IL13RA1: variants seen among roughly 807,000 people sequenced by gnomAD.
IL13RA1 encodes the protein interleukin-13 receptor subunit alpha-1.
IL13RA1 carries 14 observed loss-of-function variants against 33.8 expected under a neutral mutation model. That is an observed-to-expected ratio of 0.41 (90% CI 0.27 to 0.65). The LOEUF is 0.65. IL13RA1 is among the 30% of genes least tolerant of loss of function. The pLI is 0.28. For missense variants in IL13RA1, 313 were observed against 327.0 expected (o/e 0.96, Z 0.33); for synonymous variants, 116 against 115.7 (o/e 1.00, Z -0.02).
chrX:118,792,150 T>C lies in IL13RA1; in HGVS notation c.*296T>C, dbSNP rs2017982561. 6.5e-6 allele frequency: 1 copy of C among 153,441 alleles called. No homozygotes were observed. The highest frequency in any genetic ancestry group is 1.2e-5 in the Non-Finnish European group (1 of 80,503). 12.6% of individuals were successfully genotyped at this position (153,441 alleles called of 1,213,427 possible). ...GTGGAGTTAATCTTATCAAGAGTTGTGACAACTTCCTGAGGGATCTATACT... is the reference window on the plus strand; with the variant it reads ...GTGGAGTTAATCTTATCAAGAGTTGCGACAACTTCCTGAGGGATCTATACT... On this transcript the variant is annotated 3_prime_UTR_variant, in exon 11 of 11. Coordinates refer to ENST00000371666, the MANE Select transcript of IL13RA1 (RefSeq NM_001560.3).
the IL13RA1 span, among the ~76,000 whole-genome samples, chrX:118,804,110 C>T: frequency 9.3e-6 from 1 of 108,094 alleles, no homozygotes; most frequent in African/African-American, 3.4e-5. Flanking sequence ...GCGCCCGCCA[C>T]CACGCCTGGC....
chrX:118,742,590 T>C (rs758631688), intron 2 of IL13RA1, among the ~76,000 whole-genome samples: 1 of 112,251 alleles, frequency 8.9e-6, no homozygotes, highest in East Asian at 2.8e-4. Flanking sequence ...TCAGAGTATG[T>C]GCAGAAATCT....
chrX:118,777,965 C>CTG (rs2017804244), intron 10 of IL13RA1, among the ~76,000 whole-genome samples: 1 of 111,563 alleles, frequency 9.0e-6, no homozygotes, highest in African/African-American at 3.3e-5. Context: ...CATATCCCTG[C>CTG]TGTGTCATTT....
chrX:118,733,909 A>G (rs777644810), intron 1 of IL13RA1, among the ~76,000 whole-genome samples: 9 of 111,906 alleles, frequency 8.0e-5, no homozygotes, highest in Non-Finnish European at 1.5e-4. Flanking sequence ...ACTGTTGTCA[A>G]AATCATTTGA....
chrX:118,767,562 A>G (rs1281734826), intron 8 of IL13RA1, among the ~76,000 whole-genome samples: 1 of 111,359 alleles, frequency 9.0e-6, no homozygotes, highest in Non-Finnish European at 1.9e-5. Flanking sequence ...AAAAAAAGGC[A>G]GGCATAATAA....
intron 3 of IL13RA1, among the ~76,000 whole-genome samples, chrX:118,748,062 A>C (rs1344663270): frequency 9.7e-6 from 1 of 102,734 alleles, no homozygotes; most frequent in East Asian, 2.9e-4. Flanking sequence ...ACATATATAT[A>C]TAACACATAT....
chrX:118,735,977 G>C (rs1447455317), intron 1 of IL13RA1, among the ~76,000 whole-genome samples: 2 of 110,677 alleles, frequency 1.8e-5, no homozygotes, highest in Non-Finnish European at 3.8e-5. Context: ...TTTTCTTTCT[G>C]TTCCTCGGAC....
At chrX:118,766,172 CTTGT>C (rs1369310539) in intron 6 of IL13RA1, among the ~76,000 whole-genome samples, 3 of 111,158 alleles carry the variant, frequency 2.7e-5, no homozygotes, top group East Asian at 5.6e-4. Flanking sequence ...TTTTTTTGGT[CTTGT>C]TTAAGAAATA....
downstream of IL13RA1, among the ~76,000 whole-genome samples, chrX:118,798,623 C>T (rs1603226077): frequency 8.9e-6 from 1 of 112,543 alleles, no homozygotes; most frequent in South Asian, 3.6e-4. Flanking sequence ...GCTTCTGTTT[C>T]CTGCATTCCC....
At chrX:118,779,753 G>A (rs1315630538) in intron 10 of IL13RA1, among the ~76,000 whole-genome samples, 1 of 111,916 alleles carries the variant, frequency 8.9e-6, no homozygotes, top group African/African-American at 3.2e-5. Context: ...GGAGATTGAC[G>A]TAAGAGACAT....
At chrX:118,742,763 G>A (rs1326063001) in intron 2 of IL13RA1, among the ~76,000 whole-genome samples, 1 of 110,852 alleles carries the variant, frequency 9.0e-6, no homozygotes, top group Admixed American at 9.7e-5. Flanking sequence ...CGGGGGGCGG[G>A]TAATAATAGT....
At chrX:118,804,177 G>A in the IL13RA1 span, among the ~76,000 whole-genome samples, 5 of 109,128 alleles carry the variant, frequency 4.6e-5, no homozygotes, top group South Asian at 3.9e-4. Flanking sequence ...GGCTGGTCTC[G>A]AACTCCTGAC....
chrX:118,728,907 A>C lies in IL13RA1; in HGVS notation c.88+1181A>C, dbSNP rs772014196. On this transcript the variant is annotated intron_variant, in intron 1 of 10. Transcript: ENST00000371666. Reference sequence around the variant, plus strand: ...GGGTTTGCCATTGTAAAAAGGGTGGATCGAGAAGAAAACAAATGTTGCTGA... The same window carrying C: ...GGGTTTGCCATTGTAAAAAGGGTGGCTCGAGAAGAAAACAAATGTTGCTGA... Among the ~76,000 whole-genome samples the C allele has an allele frequency of 7.2e-5, 8 of 111,732 alleles. No individual in the cohort carries two copies. The East Asian group carries it at 2.0e-3, about 27-fold the overall frequency.
At chrX:118,751,651 CGTT>C (rs1487589741) in intron 4 of IL13RA1, among the ~76,000 whole-genome samples, 1 of 110,016 alleles carries the variant, frequency 9.1e-6, no homozygotes, top group Non-Finnish European at 1.9e-5. Context: ...GGTATTTAAT[CGTT>C]GTGATGTCAG....
intron 2 of IL13RA1, among the ~76,000 whole-genome samples, chrX:118,745,288 A>G (rs1265901090): frequency 8.9e-6 from 1 of 111,939 alleles, no homozygotes; most frequent in Non-Finnish European, 1.9e-5. Context: ...GTAAAAATAT[A>G]CTTGTCTAAG....
chrX:118,801,867 GT>G, the IL13RA1 span, among the ~76,000 whole-genome samples: 1 of 111,974 alleles, frequency 8.9e-6, no homozygotes, highest in African/African-American at 3.2e-5. Flanking sequence ...CAATTATACT[GT>G]TTTTAGAAAA....
chrX:118,804,829 C>CAG, the IL13RA1 span, among the ~76,000 whole-genome samples: 1 of 112,251 alleles, frequency 8.9e-6, no homozygotes, highest in African/African-American at 3.2e-5. Context: ...AATTGTCCCA[C>CAG]AGAGCTGATG....
At chrX:118,734,816 A>G (rs748993932) in intron 1 of IL13RA1, among the ~76,000 whole-genome samples, 1 of 111,633 alleles carries the variant, frequency 9.0e-6, no homozygotes. Context: ...GGTATCAGGT[A>G]ATGCTGGCCT....
intron 8 of IL13RA1, among the ~76,000 whole-genome samples, chrX:118,769,142 G>A (rs2017682586): frequency 8.9e-6 from 1 of 112,322 alleles, no homozygotes; most frequent in Non-Finnish European, 1.9e-5. Context: ...AATTAGTCTA[G>A]CCCATGCTCA....
Sources: allele counts gnomAD v4.1 joint callset (sites outside exome capture counted in the v4.1 genomes callset), GRCh38; gene constraint gnomAD v4.1.1; transcripts MANE v1.5; gene names NCBI Gene and HGNC (gene_info 2026-07-23, HGNC 2026-07-21).